FILIP1: variants seen among roughly 807,000 people sequenced by gnomAD.
FILIP1 encodes the protein filamin A interacting protein 1.
FILIP1 carries 61 observed loss-of-function variants against 102.1 expected under a neutral mutation model. The ratio of observed to expected loss-of-function variants is 0.60; its 90% CI spans 0.49 to 0.74. FILIP1 has a LOEUF of 0.74. Among genes scored for constraint, FILIP1 ranks in the 30% least tolerant of loss-of-function variants. The pLI, the probability that FILIP1 is intolerant of heterozygous loss-of-function variation, is 0.00. For synonymous variants in FILIP1, 491 were observed against 526.9 expected (o/e 0.93, Z 0.93); for missense variants, 1,314 against 1,441.2 (o/e 0.91, Z 1.43).
At chr6:75,376,564 T>C (rs932031190) in intron 2 of FILIP1, among the ~76,000 whole-genome samples, 1 of 152,176 alleles carries the variant, frequency 6.6e-6, no homozygotes, top group Non-Finnish European at 1.5e-5. Flanking sequence ...ACTAATATAC[T>C]GCCTGACATA....
In FILIP1 at chr6:75,313,102, C is replaced by A. The variant is rs867803020; in HGVS notation, c.2730G>T (p.Leu910=). 1.9e-6 allele frequency: 3 copies of A among 1,614,136 alleles called. No homozygotes were observed. The highest frequency in any genetic ancestry group is 3.3e-5 in the Admixed American group (2 of 60,014). ...VVLSPKQGQP[L]HIRVTPDHEN... The stretch of plus-strand genomic sequence containing the variant: ...CGTGGTCTGGTGTCACTCGAATATG[C>A]AGGGGCTGGCCCTGCTTTGGTGAAA... Residue 910 remains leucine (L), a synonymous_variant, in exon 5 of 6, where the codon CTG becomes CTT. Transcript: ENST00000237172. The surrounding 1 kb of genome is among the most constrained non-coding windows in gnomAD (Gnocchi z 4.2).
intron 1 of FILIP1, among the ~76,000 whole-genome samples, chr6:75,441,971 G>C (rs1446284102): frequency 6.6e-6 from 1 of 151,808 alleles, no homozygotes; most frequent in Non-Finnish European, 1.5e-5. Context: ...GTGGCTGCGG[G>C]GCGGAGACGC....
chr6:75,347,039 G>A (rs991823001), intron 4 of FILIP1, among the ~76,000 whole-genome samples: 2 of 152,140 alleles, frequency 1.3e-5, no homozygotes, highest in Non-Finnish European at 1.5e-5. Context: ...ACCTTAAACA[G>A]GCAACAGAAT....
chr6:75,402,930 T>A (rs1399014731), intron 2 of FILIP1, among the ~76,000 whole-genome samples: 1 of 152,172 alleles, frequency 6.6e-6, no homozygotes, highest in Non-Finnish European at 1.5e-5. Flanking sequence ...ATTAGAGCAT[T>A]TCAAGATTAA....
At chr6:75,448,875 G>A (rs1257427363) in intron 1 of FILIP1, among the ~76,000 whole-genome samples, 2 of 151,954 alleles carry the variant, frequency 1.3e-5, no homozygotes, top group East Asian at 3.9e-4. Context: ...CTGTTGGTAG[G>A]AATGTAAACT....
At chr6:75,480,768 T>C (rs1779630026) in intron 1 of FILIP1, among the ~76,000 whole-genome samples, 1 of 152,230 alleles carries the variant, frequency 6.6e-6, no homozygotes, top group South Asian at 2.1e-4. Flanking sequence ...CAATGTGGTT[T>C]GAGGGTCAGG....
intron 2 of FILIP1, among the ~76,000 whole-genome samples, chr6:75,388,392 A>C (rs1027146777): frequency 6.6e-6 from 1 of 152,282 alleles, no homozygotes; most frequent in South Asian, 2.1e-4. Context: ...ATGGAATTTA[A>C]AATAGTTTTT....
In FILIP1 at chr6:75,456,125, CTCAA is replaced by C. The variant is rs575250549; in HGVS notation, c.-7+37285_-7+37288del. Among the ~76,000 whole-genome samples the C allele has an allele frequency of 1.2e-3, 183 of 152,302 alleles. 1 individual carries two copies. Among genetic ancestry groups the C allele is most frequent in the African/African-American group, 4.1e-3 (172 of 41,566 alleles). On this transcript the variant is annotated intron_variant, in intron 1 of 5. Transcript: ENST00000237172. ...CCTCCACACTAAGAGGCTAGTGGTT[CTCAA>C]TCAGAGATTTTCCTCCCCAGGGAAC...
At chr6:75,292,051 T>C (rs1772560007) in exon 7 of FILIP1, 4 of 152,204 alleles carry the variant, frequency 2.6e-5, no homozygotes, top group Non-Finnish European at 1.5e-5. Context: ...AAGCAAGCTA[T>C]TACATTCATA....
At chr6:75,448,861 T>C (rs113324449) in intron 1 of FILIP1, among the ~76,000 whole-genome samples, 2 of 152,218 alleles carry the variant, frequency 1.3e-5, no homozygotes, top group African/African-American at 4.8e-5. Context: ...TGTGGTGGGA[T>C]ACACTGTTGG....
chr6:75,308,704 C>T lies in FILIP1; in HGVS notation c.3629G>A (p.Gly1210Glu), dbSNP rs145901023. The T allele has an allele frequency of 2.5e-5, 40 of 1,612,896 alleles. No individual in the cohort carries two copies. Among genetic ancestry groups the T allele is most frequent in the South Asian group, 1.2e-4 (11 of 91,032 alleles). ...SAASSTTSLGGGKG is the reference protein window; with the variant it reads ...SAASSTTSLGEGKG ...TAGCCACTGCCCTCAGCCCTTCCCC[C>T]CTCCGAGAGAGGTGGTGCTGCTGGC... is the stretch of plus-strand genomic sequence containing the variant. Residue 1210 changes from glycine (G) to glutamate (E), a missense_variant, in exon 6 of 6, where the codon GGG becomes GAG. By Grantham distance (98) the Gly-to-Glu change is moderately conservative (BLOSUM62 -2). This residue lies in a region of FILIP1 where 816 missense variants were observed against 913.1 expected (regional missense o/e 0.89). Transcript: ENST00000237172.
intron 2 of FILIP1, among the ~76,000 whole-genome samples, chr6:75,396,112 G>A (rs1776452090): frequency 6.6e-6 from 1 of 151,720 alleles, no homozygotes; most frequent in African/African-American, 2.4e-5. Context: ...CCAATAAAAA[G>A]AGGCTCCCAA....
intron 1 of FILIP1, among the ~76,000 whole-genome samples, chr6:75,433,288 C>A (rs1406556619): frequency 6.6e-6 from 1 of 152,190 alleles, no homozygotes; most frequent in African/African-American, 2.4e-5. Context: ...TTTGCAGTCC[C>A]ACCAACAGTG....
chr6:75,329,327 C>T (rs541461950), intron 4 of FILIP1, among the ~76,000 whole-genome samples: 4 of 152,298 alleles, frequency 2.6e-5, no homozygotes, highest in African/African-American at 9.6e-5. Context: ...ACTTTTCAAC[C>T]ACATTTCCAA....
chr6:75,435,590 G>A (rs1253043451), intron 1 of FILIP1, among the ~76,000 whole-genome samples: 1 of 152,182 alleles, frequency 6.6e-6, no homozygotes, highest in Non-Finnish European at 1.5e-5. Flanking sequence ...CATGATGGGG[G>A]ACCAAGAGAC....
At chr6:75,434,178 T>C (rs930798625) in intron 1 of FILIP1, among the ~76,000 whole-genome samples, 1 of 152,196 alleles carries the variant, frequency 6.6e-6, no homozygotes, top group African/African-American at 2.4e-5. Flanking sequence ...GTGGGCTCTT[T>C]TTTGGTTCCA....
intron 5 of FILIP1, among the ~76,000 whole-genome samples, chr6:75,309,153 C>A (rs556464575): frequency 1.1e-4 from 17 of 152,256 alleles, no homozygotes; most frequent in African/African-American, 3.6e-4. Flanking sequence ...TCTGCCCTTA[C>A]TGAAGATGGC....
intron 1 of FILIP1, among the ~76,000 whole-genome samples, chr6:75,447,579 T>C (rs544645146): frequency 2.0e-5 from 3 of 152,280 alleles, no homozygotes; most frequent in African/African-American, 4.8e-5. Context: ...GATAGAAAGA[T>C]AGATGGAGGC....
intron 1 of FILIP1, among the ~76,000 whole-genome samples, chr6:75,415,859 C>A (rs1777249488): frequency 6.6e-6 from 1 of 152,164 alleles, no homozygotes; most frequent in Admixed American, 6.6e-5. Flanking sequence ...GAATGCTTTA[C>A]AGTTTCTCTG....
Sources: gnomAD v4.1 joint callset for allele counts (sites outside exome capture counted in the v4.1 genomes callset) on GRCh38, gnomAD v4.1.1 for gene constraint, gnomAD v4.1.1 regional missense constraint, Gnocchi (gnomAD v3.1) non-coding constraint, MANE v1.5 for transcripts, NCBI Gene and HGNC (gene_info 2026-07-23, HGNC 2026-07-21) for gene names.